Variants in GRID2 observed in about 807,000 individuals in gnomAD.
GRID2 encodes the protein glutamate ionotropic receptor delta type subunit 2, also known as glutamate receptor ionotropic, delta-2.
Under a neutral mutation model 114.8 loss-of-function variants are expected in GRID2, and 33 were observed. The ratio of observed to expected loss-of-function variants is 0.29; its 90% CI spans 0.22 to 0.38. The LOEUF (loss-of-function observed/expected upper bound fraction) is 0.38, where lower values mean the gene tolerates loss of function less well. GRID2 is among the 10% of genes least tolerant of loss of function. The pLI is 1.00. For missense variants in GRID2, 1,184 were observed against 1,257.7 expected (o/e 0.94, Z 0.89); for synonymous variants, 505 against 449.9 (o/e 1.12, Z -1.55).
chr4:93,784,020 C>A (rs867147276), intron 1 of GRID2, among the ~76,000 whole-genome samples: 4 of 125,160 alleles, frequency 3.2e-5, no homozygotes, highest in Admixed American at 1.0e-4. Flanking sequence ...TGCAGTGAGC[C>A]GAGATCCCGC....
chr4:93,231,363 T>C (rs1474870982), intron 7 of GRID2, among the ~76,000 whole-genome samples: 1 of 148,778 alleles, frequency 6.7e-6, no homozygotes, highest in African/African-American at 2.5e-5. Context: ...TGCAAACTCA[T>C]TTATGGAATT....
intron 1 of GRID2, among the ~76,000 whole-genome samples, chr4:92,562,740 A>T (rs1180542568): frequency 6.6e-6 from 1 of 152,132 alleles, no homozygotes; most frequent in East Asian, 1.9e-4. Flanking sequence ...TCCAAACCAC[A>T]TTTTATTTAT....
intron 13 of GRID2, among the ~76,000 whole-genome samples, chr4:93,549,691 A>C (rs1733577665): frequency 6.6e-6 from 1 of 152,204 alleles, no homozygotes. Flanking sequence ...ATGTTTTATC[A>C]CACTGGATTG....
chr4:92,446,072 A>C lies in GRID2; in HGVS notation c.88+141328A>C, dbSNP rs554122295. On this transcript the variant is annotated intron_variant, in intron 1 of 15. Transcript: ENST00000282020. ...GCGATTCTCATGCCTCAAGCTCTGGAGTAGCTGGGACTACAGGGTTACGTC... is the reference window on the plus strand; with the variant it reads ...GCGATTCTCATGCCTCAAGCTCTGGCGTAGCTGGGACTACAGGGTTACGTC... Among the ~76,000 whole-genome samples, 23 of 152,204 alleles carry C rather than the reference A, an allele frequency of 1.5e-4. No individual in the cohort carries two copies. In the South Asian group the frequency reaches 4.1e-3, roughly 27 times the overall value.
chr4:92,462,179 A>G (rs1054519917), intron 1 of GRID2, among the ~76,000 whole-genome samples: 2 of 152,098 alleles, frequency 1.3e-5, no homozygotes, highest in African/African-American at 4.8e-5. Flanking sequence ...AATAAATAGC[A>G]TTATACAATT....
chr4:92,932,930 G>C (rs2149522947), intron 2 of GRID2, among the ~76,000 whole-genome samples: 1 of 151,272 alleles, frequency 6.6e-6, no homozygotes, highest in Non-Finnish European at 1.5e-5. Context: ...TTGGGTAGAA[G>C]TGGGAATGAT....
At chr4:92,968,384 G>T (rs1753289846) in intron 2 of GRID2, among the ~76,000 whole-genome samples, 1 of 151,842 alleles carries the variant, frequency 6.6e-6, no homozygotes, top group Non-Finnish European at 1.5e-5. Flanking sequence ...ATTCTGGATT[G>T]CATGTCTGGC....
chr4:93,522,888 G>T (rs1730475934), intron 13 of GRID2, among the ~76,000 whole-genome samples: 1 of 152,142 alleles, frequency 6.6e-6, no homozygotes, highest in African/African-American at 2.4e-5. Context: ...GAAAAAGAAA[G>T]TACTGGAAAG....
intron 14 of GRID2, among the ~76,000 whole-genome samples, chr4:93,731,694 TGTG>T (rs1258366031): frequency 6.6e-6 from 1 of 152,148 alleles, no homozygotes; most frequent in Non-Finnish European, 1.5e-5. Flanking sequence ...CCACAGAGCT[TGTG>T]GTATGCAGAC....
intron 8 of GRID2, among the ~76,000 whole-genome samples, chr4:93,263,301 A>T (rs535323730): frequency 6.6e-6 from 1 of 151,950 alleles, no homozygotes; most frequent in African/African-American, 2.4e-5. Flanking sequence ...TTTCCTTATG[A>T]TTTCTTCTAC....
intron 2 of GRID2, among the ~76,000 whole-genome samples, chr4:92,997,304 T>A (rs1310596900): frequency 6.6e-6 from 1 of 152,082 alleles, no homozygotes; most frequent in Non-Finnish European, 1.5e-5. Context: ...TTTGATATAG[T>A]CAGAAGAGTA....
chr4:92,598,562 T>C (rs555819885), intron 2 of GRID2, among the ~76,000 whole-genome samples: 36 of 152,178 alleles, frequency 2.4e-4, no homozygotes, highest in Non-Finnish European at 4.1e-4. Flanking sequence ...TCATAGCCCA[T>C]GGAATTAGAT....
At chr4:92,462,969 A>T (rs1004873721) in intron 1 of GRID2, among the ~76,000 whole-genome samples, 1 of 151,976 alleles carries the variant, frequency 6.6e-6, no homozygotes, top group African/African-American at 2.4e-5. Context: ...TTTCCACAAA[A>T]GTCCTGTTTA....
chr4:93,635,595 T>C lies in GRID2; in HGVS notation c.2360+9160T>C, dbSNP rs191883848. 5.3e-4 allele frequency among the ~76,000 whole-genome samples: 80 copies of C among 152,090 alleles called. No individual in the cohort carries two copies. The Middle Eastern group carries it at 0.01, about 19-fold the overall frequency. ...TCCTCTTTAAAACATCTGTTTTGAA[T>C]TGAGGATTTTTAACTTAAAGAACTT... On this transcript the variant is annotated intron_variant, in intron 14 of 15. Coordinates refer to ENST00000282020, the MANE Select transcript of GRID2 (RefSeq NM_001510.4).
intron 14 of GRID2, among the ~76,000 whole-genome samples, chr4:93,764,550 A>G (rs2110320979): frequency 6.6e-6 from 1 of 152,290 alleles, no homozygotes; most frequent in African/African-American, 2.4e-5. Context: ...CATCTTGCTC[A>G]CTGAGATCGT....
chr4:93,022,346 C>G (rs1436748629), intron 2 of GRID2, among the ~76,000 whole-genome samples: 1 of 151,774 alleles, frequency 6.6e-6, no homozygotes, highest in African/African-American at 2.4e-5. Flanking sequence ...TTCTTTAATA[C>G]CAACTCAAAC....
intron 1 of GRID2, among the ~76,000 whole-genome samples, chr4:92,366,390 T>C (rs1728867260): frequency 6.6e-6 from 1 of 152,004 alleles, no homozygotes; most frequent in Non-Finnish European, 1.5e-5. Context: ...AAACCTATTT[T>C]GTGCTCTTCA....
At chr4:93,194,358 T>C (rs1224525762) in intron 4 of GRID2, among the ~76,000 whole-genome samples, 1 of 152,208 alleles carries the variant, frequency 6.6e-6, no homozygotes, top group African/African-American at 2.4e-5. Flanking sequence ...AGTATAAATA[T>C]AACACTTTAG....
intron 4 of GRID2, among the ~76,000 whole-genome samples, chr4:93,128,224 G>A (rs1010915297): frequency 7.9e-5 from 12 of 151,942 alleles, no homozygotes; most frequent in Admixed American, 3.3e-4. Context: ...CTATTACATG[G>A]TATCATAATA....
Sources: gnomAD v4.1 joint callset for allele counts (sites outside exome capture counted in the v4.1 genomes callset) on GRCh38, gnomAD v4.1.1 for gene constraint, MANE v1.5 for transcripts, NCBI Gene and HGNC (gene_info 2026-07-23, HGNC 2026-07-21) for gene names.